PARP2: variants seen among roughly 807,000 people sequenced by gnomAD.
The protein encoded by PARP2 is poly [ADP-ribose] polymerase 2.
In PARP2, 57 loss-of-function variants were observed where a neutral mutation model predicts 77.8. The observed-to-expected ratio is 0.73, with a 90% CI of 0.59 to 0.91. The LOEUF (loss-of-function observed/expected upper bound fraction) is 0.91. Ranked by LOEUF, PARP2 falls within the 40% of genes least tolerant of loss-of-function variation. PARP2 has a pLI of 0.00. For missense variants in PARP2, 651 were observed against 689.0 expected (o/e 0.94, Z 0.62); for synonymous variants, 226 against 242.6 (o/e 0.93, Z 0.64).
intron 4 of PARP2, among the ~76,000 whole-genome samples, chr14:20,347,300 G>A (rs1257207442): frequency 2.3e-5 from 3 of 130,252 alleles, no homozygotes; most frequent in South Asian, 2.5e-4. Context: ...CCAAAATGCT[G>A]GGATTACCAG....
chr14:20,343,877 C>T (rs1463753909), intron 1 of PARP2, among the ~76,000 whole-genome samples, 190 bp downstream of exon 1: 1 of 152,184 alleles, frequency 6.6e-6, no homozygotes, highest in East Asian at 1.9e-4. Context: ...GTGCATAAAG[C>T]CTTGCGGAGC....
At chr14:20,347,732 C>G (rs1883821341) in intron 4 of PARP2, among the ~76,000 whole-genome samples, 2 of 151,632 alleles carry the variant, frequency 1.3e-5, no homozygotes, top group African/African-American at 4.8e-5. Context: ...TTAATATTAG[C>G]CATTAGTGGT....
In PARP2 at chr14:20,354,126, C is replaced by G. The variant is rs1453685729; in HGVS notation, c.642C>G (p.Pro214=). 6.2e-7 allele frequency: 1 copy of G among 1,613,178 alleles called. No homozygotes were observed. The highest frequency in any genetic ancestry group is 1.7e-5 in the Admixed American group (1 of 59,972). The change falls in exon 8 of 16, where the codon CCC becomes CCG. Residue 214 remains proline, a synonymous_variant. Transcript: ENST00000429687. ...AGAAAGAGGAATCTCTTAAATCTCC[C>G]TTGAAGCCAGAGTCACAGCTAGATC... ...ETKKEESLKS[P]LKPESQLDLR...
At chr14:20,350,839 G>T (rs1883927538) in intron 5 of PARP2, 2 of 606,938 alleles carry the variant, frequency 3.3e-6, no homozygotes, top group Admixed American at 5.9e-5. Context: ...CATTGAGTCT[G>T]AAAACTCTTC....
intron 4 of PARP2, 62 bp downstream of exon 4, chr14:20,346,975 A>T: frequency 3.0e-6 from 3 of 997,324 alleles, no homozygotes; most frequent in Non-Finnish European, 4.8e-6. Context: ...ATAATTATTG[A>T]TGATAGCATC....
rs370394530 is a variant in PARP2, at chr14:20,356,000, G to T, written c.1070G>T (p.Arg357Leu). Residue 357 changes from arginine (R) to leucine (L), a missense_variant, in exon 11 of 16, where the codon CGC becomes CTC. By Grantham distance (102) the Arg-to-Leu change is moderately radical (BLOSUM62 -2). Coordinates refer to ENST00000429687, the MANE Select transcript of PARP2 (RefSeq NM_001042618.2). ...TATAGAAACCTACATTGTGCCTTGCGCCCCCTTGACCATGAAAGTTATGAG... is the reference window on the plus strand; with the variant it reads ...TATAGAAACCTACATTGTGCCTTGCTCCCCCTTGACCATGAAAGTTATGAG... ...QHYRNLHCAL[R>L]PLDHESYEFK... is the part of the protein sequence containing the mutation. The T allele has an allele frequency of 6.2e-7, 1 of 1,613,744 alleles. No individual in the cohort carries two copies. Among genetic ancestry groups the T allele is most frequent in the South Asian group, 1.1e-5 (1 of 91,062 alleles).
Position 20,346,928 on chromosome 14 carries a change from G to A in PARP2, c.324+15G>A, listed in dbSNP as rs757053290. On this transcript the variant is annotated intron_variant, in intron 4 of 15. Coordinates refer to ENST00000429687, the MANE Select transcript of PARP2 (RefSeq NM_001042618.2). ...TGCTAAATCAGGTAAGAGGCAAGAA[G>A]AGGTGGCACCATTATATTTATGAGA... 6.4e-7 allele frequency: 1 copy of A among 1,551,414 alleles called. No homozygotes were observed. Among genetic ancestry groups the A allele is most frequent in the Non-Finnish European group, 8.9e-7 (1 of 1,124,580 alleles).
At position 20,346,370 on chromosome 14, in the gene PARP2, C is replaced by G. The variant is rs139198790; in HGVS notation, c.274-493C>G. On this transcript the variant is annotated intron_variant, in intron 3 of 15. Coordinates refer to ENST00000429687, the MANE Select transcript of PARP2 (RefSeq NM_001042618.2). Reference sequence around the variant, plus strand: ...TGAGATAGAGTCTCACTCGGTCACCCAGGCTGGAGTGCAGTGGTGTGATCT... The same window carrying G: ...TGAGATAGAGTCTCACTCGGTCACCGAGGCTGGAGTGCAGTGGTGTGATCT... Among the ~76,000 whole-genome samples the G allele has an allele frequency of 1.9e-4, 27 of 142,606 alleles. No individual in the cohort carries two copies. In the East Asian group the frequency reaches 5.7e-3, roughly 30 times the overall value. The allele number at this position is 142,606 out of a possible 152,430, so 93.6% of individuals were successfully genotyped here. A position where few individuals can be genotyped will look rare whatever the true frequency, so the allele number is the denominator to read the frequency against.
chr14:20,354,530 C>T (rs1884071927), intron 8 of PARP2: 1 of 524,178 alleles, frequency 1.9e-6, no homozygotes, highest in Non-Finnish European at 3.4e-6. Flanking sequence ...GACCCCATCT[C>T]TACTAAAAAT....
intron 9 of PARP2, chr14:20,355,272 A>C (rs1884104137): frequency 4.5e-6 from 1 of 220,314 alleles, no homozygotes; most frequent in Non-Finnish European, 8.9e-6. Context: ...AAAACCACAC[A>C]AACACCATTT....
At chr14:20,355,708 C>A in intron 9 of PARP2, 44 bp from the exon 10 acceptor site, 1 of 1,487,370 alleles carries the variant, frequency 6.7e-7, no homozygotes, top group Non-Finnish European at 9.4e-7. Flanking sequence ...CGCCTTTTAG[C>A]CACATGTCAG....
intron 8 of PARP2, 123 bp from the exon 9 acceptor site, chr14:20,354,686 C>T: frequency 1.1e-6 from 1 of 937,412 alleles, no homozygotes; most frequent in East Asian, 2.4e-5. Flanking sequence ...AGGAGTGAGA[C>T]CCCATCTTAA....
At position 20,345,072 on chromosome 14, in the gene PARP2, G is replaced by C. The variant is rs202077893; in HGVS notation, c.187G>C (p.Glu63Gln). Residue 63 changes from glutamate to glutamine, a missense_variant, in exon 2 of 16, where the codon GAA (glutamate) becomes CAA (glutamine). Physicochemically the swap from Glu to Gln is conservative, Grantham distance 29. Coordinates refer to ENST00000429687, the MANE Select transcript of PARP2 (RefSeq NM_001042618.2). ...AGGAAAAGCTAATAAGGACAGGACA[G>C]AAGACAAGCAAGATGGTATGCCAGG... ...AGGKANKDRTEDKQDESVKAL... is the reference protein window; with the variant it reads ...AGGKANKDRTQDKQDESVKAL... 2.5e-6 allele frequency: 4 copies of C among 1,614,190 alleles called. No homozygotes were observed. In the African/African-American group the frequency reaches 5.3e-5, roughly 22 times the overall value.
Position 20,357,889 on chromosome 14 carries a change from A to G in PARP2, c.*92A>G. On this transcript the variant is annotated 3_prime_UTR_variant, in exon 16 of 16. Coordinates refer to ENST00000429687, the MANE Select transcript of PARP2 (RefSeq NM_001042618.2). The stretch of plus-strand genomic sequence containing the variant: ...AATTTTGTGATATTTTATGTAATAA[A>G]AACTGTACAGGTCTACCACTGGCTT... The G allele has an allele frequency of 1.7e-6, 2 of 1,186,810 alleles. No individual in the cohort carries two copies. The highest frequency in any genetic ancestry group is 2.4e-6 in the Non-Finnish European group (2 of 822,160). The allele number at this position is 1,186,810 out of a possible 1,614,324, so 73.5% of individuals were successfully genotyped here. A position where few individuals can be genotyped will look rare whatever the true frequency, so the allele number is the denominator to read the frequency against.
In PARP2 at chr14:20,356,535, C is replaced by T. The variant is rs3093936; in HGVS notation, c.1230-55C>T. The T allele has an allele frequency of 2.3e-3, 3,666 of 1,596,972 alleles. 80 individuals are homozygous for T. In the African/African-American group the frequency reaches 0.041, roughly 18 times the overall value. ...AGAGGAAGGTGTTGGCTTTTTTATG[C>T]TTATGGCCTATCTGTGCAGAACAAC... On this transcript the variant is annotated intron_variant, in intron 12 of 15. Transcript: ENST00000429687.
intron 9 of PARP2, 78 bp from the exon 10 acceptor site, chr14:20,355,674 T>C: frequency 9.2e-7 from 1 of 1,084,252 alleles, no homozygotes; most frequent in Non-Finnish European, 1.4e-6. Flanking sequence ...AGGACCTATC[T>C]GTCATTTTCT....
intron 13 of PARP2, 151 bp downstream of exon 13, chr14:20,356,840 CTT>C: frequency 1.4e-6 from 1 of 713,110 alleles, no homozygotes; most frequent in Non-Finnish European, 2.4e-6. Context: ...CTGTGTCCCT[CTT>C]TCTTTAAATT....
Position 20,356,668 on chromosome 14 carries a change from A to G in PARP2, c.1308A>G (p.Glu436=). 6.2e-7 allele frequency: 1 copy of G among 1,613,292 alleles called. No individual in the cohort carries two copies. The highest frequency in any genetic ancestry group is 8.5e-7 in the Non-Finnish European group (1 of 1,179,226). Residue 436 remains glutamate (E), a synonymous_variant, in exon 13 of 16, where the codon GAA becomes GAG. Coordinates refer to ENST00000429687, the MANE Select transcript of PARP2 (RefSeq NM_001042618.2). Reference sequence around the variant, plus strand: ...ATGGGCTTCGAATTGCCCCACCTGAAGCTCCCATCACAGGTTACATGGTGA... The same window carrying G: ...ATGGGCTTCGAATTGCCCCACCTGAGGCTCCCATCACAGGTTACATGGTGA... ...LSHGLRIAPP[E]APITGYMFGK...
chr14:20,354,502 GC>G (rs1884071235), intron 8 of PARP2: 4 of 532,124 alleles, frequency 7.5e-6, no homozygotes, highest in Non-Finnish European at 1.3e-5. Context: ...TTTGAAACCA[GC>G]CTGGGCAACA....
Sources: gnomAD v4.1 joint callset for allele counts (sites outside exome capture counted in the v4.1 genomes callset) on GRCh38, gnomAD v4.1.1 for gene constraint, MANE v1.5 for transcripts, NCBI Gene and HGNC (gene_info 2026-07-23, HGNC 2026-07-21) for gene names.